CDH9: variants seen among roughly 807,000 people sequenced by gnomAD.
CDH9 encodes the protein cadherin-9.
Under a neutral mutation model 70.9 loss-of-function variants are expected in CDH9, and 28 were observed. The ratio of observed to expected loss-of-function variants is 0.40; its 90% CI spans 0.29 to 0.54. The LOEUF (loss-of-function observed/expected upper bound fraction) is 0.54. Among genes scored for constraint, CDH9 ranks in the 20% least tolerant of loss-of-function variants. The pLI, the probability that CDH9 is intolerant of heterozygous loss-of-function variation, is 0.59. For missense variants in CDH9, 874 were observed against 984.4 expected (o/e 0.89, Z 1.50); for synonymous variants, 409 against 343.1 (o/e 1.19, Z -2.12).
At chr5:26,998,331 A>C (rs755396020) in intron 1 of CDH9, among the ~76,000 whole-genome samples, 7 of 152,164 alleles carry the variant, frequency 4.6e-5, no homozygotes, top group Non-Finnish European at 1.0e-4. Context: ...AGCCAACCCA[A>C]ATGTCCATCA....
At chr5:26,998,897 T>C (rs915299434) in intron 1 of CDH9, among the ~76,000 whole-genome samples, 2 of 152,096 alleles carry the variant, frequency 1.3e-5, no homozygotes, top group Non-Finnish European at 2.9e-5. Flanking sequence ...ATCATTAATA[T>C]ATTAAAAAGT....
chr5:27,038,372 A>C (rs536666066), intron 1 of CDH9, 91 bp downstream of exon 1: 2 of 152,032 alleles, frequency 1.3e-5, no homozygotes, highest in Non-Finnish European at 2.9e-5. Context: ...AAAATATAGC[A>C]ACTAGGAGAA....
At chr5:26,943,917 G>C (rs935973150) in intron 2 of CDH9, among the ~76,000 whole-genome samples, 6 of 152,166 alleles carry the variant, frequency 3.9e-5, no homozygotes, top group Non-Finnish European at 8.8e-5. Flanking sequence ...CAATAAATTA[G>C]AGTGTGATTA....
chr5:27,030,422 A>T (rs565536119), intron 1 of CDH9, among the ~76,000 whole-genome samples: 94 of 151,930 alleles, frequency 6.2e-4, no homozygotes, highest in African/African-American at 2.1e-3. Flanking sequence ...CTTTTAGTTA[A>T]ATTTATTCCG....
At chr5:26,965,332 T>C (rs1742110107) in intron 2 of CDH9, among the ~76,000 whole-genome samples, 1 of 152,064 alleles carries the variant, frequency 6.6e-6, no homozygotes, top group East Asian at 1.9e-4. Flanking sequence ...TCCCAGCACT[T>C]TGGGAGGCTG....
At chr5:26,974,830 G>A (rs1230196731) in intron 2 of CDH9, among the ~76,000 whole-genome samples, 1 of 151,860 alleles carries the variant, frequency 6.6e-6, no homozygotes, top group Non-Finnish European at 1.5e-5. Flanking sequence ...GTGTGTGTGT[G>A]TGCGTGTGTG....
At chr5:26,899,381 T>A (rs1254127594) in intron 7 of CDH9, among the ~76,000 whole-genome samples, 1 of 152,206 alleles carries the variant, frequency 6.6e-6, no homozygotes, top group African/African-American at 2.4e-5. Flanking sequence ...TTATGTTTAT[T>A]GCACCACTAT....
intron 1 of CDH9, among the ~76,000 whole-genome samples, chr5:27,008,066 G>A (rs1204300239): frequency 6.6e-6 from 1 of 152,138 alleles, no homozygotes; most frequent in Non-Finnish European, 1.5e-5. Context: ...CTGGAATGAG[G>A]AGATACGGAT....
At chr5:27,022,678 G>C (rs1225541045) in intron 1 of CDH9, among the ~76,000 whole-genome samples, 1 of 151,982 alleles carries the variant, frequency 6.6e-6, no homozygotes, top group Non-Finnish European at 1.5e-5. Flanking sequence ...CTGCAGACAG[G>C]GTAAACGAAT....
chr5:27,007,635 A>T (rs1279958988), intron 1 of CDH9, among the ~76,000 whole-genome samples: 2 of 152,142 alleles, frequency 1.3e-5, no homozygotes, highest in African/African-American at 4.8e-5. Flanking sequence ...TAGGAAACAA[A>T]TTCTATTAAA....
chr5:27,037,584 G>A (rs547912052), intron 1 of CDH9, among the ~76,000 whole-genome samples: 58 of 152,024 alleles, frequency 3.8e-4, no homozygotes, highest in African/African-American at 1.4e-3. Context: ...CCTTTATTGA[G>A]ACGAGCCTAC....
At chr5:26,930,507 GA>G in intron 2 of CDH9, among the ~76,000 whole-genome samples, 1 of 152,080 alleles carries the variant, frequency 6.6e-6, no homozygotes, top group South Asian at 2.1e-4. Context: ...ACGTTTGGTT[GA>G]AAAAAATCTG....
chr5:26,938,044 G>A (rs4701551), intron 2 of CDH9, among the ~76,000 whole-genome samples: 149,984 of 152,162 alleles, frequency 0.99, 73,969 homozygotes, highest in Middle Eastern at 1. Flanking sequence ...ATAATGAAAG[G>A]TATTTATAAT....
At chr5:27,037,219 C>T (rs1256489995) in intron 1 of CDH9, among the ~76,000 whole-genome samples, 1 of 151,944 alleles carries the variant, frequency 6.6e-6, no homozygotes, top group Non-Finnish European at 1.5e-5. Flanking sequence ...TCCCTTCTGT[C>T]TTGCAAAAGT....
chr5:26,896,865 A>G (rs1020603054), intron 7 of CDH9, among the ~76,000 whole-genome samples: 1 of 152,082 alleles, frequency 6.6e-6, no homozygotes, highest in Non-Finnish European at 1.5e-5. Flanking sequence ...CCTCAAAAAA[A>G]TCAATGAATT....
At chr5:26,993,504 A>G (rs1189246517) in intron 1 of CDH9, among the ~76,000 whole-genome samples, 1 of 152,088 alleles carries the variant, frequency 6.6e-6, no homozygotes, top group Non-Finnish European at 1.5e-5. Context: ...AAAGTATTTG[A>G]GAGTGAATAC....
In CDH9 at chr5:26,885,656, C is replaced by T; in HGVS notation, c.1840G>A (p.Gly614Arg). Residue 614 changes from glycine (G) to arginine (R), a missense_variant, in exon 11 of 12, where the codon GGA becomes AGA. Coordinates refer to ENST00000231021, the MANE Select transcript of CDH9 (RefSeq NM_016279.4). ...CAGAGTAGAATCGCAACGAGAGCTC[C>T]CGTGCTCAGGCCGGCTGAAAGGATC... The part of the protein sequence containing the change: ...ALILSAGLST[G>R]ALVAILLCVL... 6.2e-7 allele frequency: 1 copy of T among 1,613,642 alleles called. No individual in the cohort carries two copies. Among genetic ancestry groups the T allele is most frequent in the Non-Finnish European group, 8.5e-7 (1 of 1,179,836 alleles).
intron 2 of CDH9, among the ~76,000 whole-genome samples, chr5:26,941,968 C>T (rs924190514): frequency 6.6e-6 from 1 of 152,154 alleles, no homozygotes; most frequent in Non-Finnish European, 1.5e-5. Context: ...TGCTAAGGTG[C>T]TAGCTAGGAT....
chr5:26,920,893 C>G (rs547739741), intron 2 of CDH9, among the ~76,000 whole-genome samples: 1 of 152,096 alleles, frequency 6.6e-6, no homozygotes, highest in Non-Finnish European at 1.5e-5. Context: ...CCAAGAAGGA[C>G]GAGTCAAACA....
Sources: gnomAD v4.1 joint callset for allele counts (sites outside exome capture counted in the v4.1 genomes callset) on GRCh38, gnomAD v4.1.1 for gene constraint, MANE v1.5 for transcripts, NCBI Gene and HGNC (gene_info 2026-07-23, HGNC 2026-07-21) for gene names.